The following SLC24A2 variants were observed in gnomAD, a reference collection of about 807,000 sequenced individuals.
SLC24A2 encodes the protein solute carrier family 24 member 2, also known as sodium/potassium/calcium exchanger 2.
SLC24A2 carries 36 observed loss-of-function variants against 62.0 expected under a neutral mutation model. The ratio of observed to expected loss-of-function variants is 0.58; its 90% CI spans 0.44 to 0.77. The LOEUF is 0.77. Among genes scored for constraint, SLC24A2 ranks in the 30% least tolerant of loss-of-function variants. The probability of loss-of-function intolerance (pLI) is 0.00; values close to 1 mark genes in which losing one functional copy is unlikely to be tolerated. For synonymous variants in SLC24A2, 358 were observed against 294.0 expected (o/e 1.22, Z -2.23); for missense variants, 846 against 817.9 (o/e 1.03, Z -0.42).
the SLC24A2 span, among the ~76,000 whole-genome samples, chr9:19,949,312 C>T: frequency 1.3e-5 from 2 of 152,220 alleles, no homozygotes; most frequent in Admixed American, 1.3e-4. Context: ...CCATTTAATC[C>T]AATCTTTGGA....
the SLC24A2 span, among the ~76,000 whole-genome samples, chr9:20,284,893 T>C: frequency 6.6e-6 from 1 of 152,216 alleles, no homozygotes; most frequent in Non-Finnish European, 1.5e-5. Context: ...CTTCTGTAAA[T>C]GCCTTACAGG....
At chr9:19,728,861 T>C (rs779339573) in intron 2 of SLC24A2, among the ~76,000 whole-genome samples, 3 of 152,142 alleles carry the variant, frequency 2.0e-5, no homozygotes, top group Non-Finnish European at 2.9e-5. Context: ...GCATTGAGGC[T>C]GAGACTAAAA....
chr9:19,722,229 G>C (rs1170842312), intron 2 of SLC24A2, among the ~76,000 whole-genome samples: 2 of 152,126 alleles, frequency 1.3e-5, no homozygotes, highest in Non-Finnish European at 2.9e-5. Context: ...TCAGAATGCT[G>C]AAACAGAGGA....
At chr9:19,792,566 G>T (rs1162272030), upstream of SLC24A2, among the ~76,000 whole-genome samples, 1 of 151,224 alleles carries the variant, frequency 6.6e-6, no homozygotes, top group Admixed American at 6.6e-5. Flanking sequence ...AAAAATGCTG[G>T]GTGTGGTGGC....
At chr9:20,118,647 TAAA>T in the SLC24A2 span, among the ~76,000 whole-genome samples, 1 of 151,702 alleles carries the variant, frequency 6.6e-6, no homozygotes, top group African/African-American at 2.4e-5. Context: ...CAGTTAAAAG[TAAA>T]AAAAGAGGAA....
At chr9:19,663,481 A>G (rs184452543) in intron 2 of SLC24A2, among the ~76,000 whole-genome samples, 1 of 152,220 alleles carries the variant, frequency 6.6e-6, no homozygotes, top group East Asian at 1.9e-4. Context: ...CAATCTGTCA[A>G]CTGTGAACGG....
chr9:19,566,562 C>T (rs1169427206), intron 7 of SLC24A2, among the ~76,000 whole-genome samples: 2 of 151,984 alleles, frequency 1.3e-5, no homozygotes, highest in Non-Finnish European at 2.9e-5. Flanking sequence ...GGCGATTCCT[C>T]AAGGATCTAG....
chr9:19,838,125 T>A, the SLC24A2 span, among the ~76,000 whole-genome samples: 2 of 152,142 alleles, frequency 1.3e-5, no homozygotes, highest in East Asian at 3.9e-4. Flanking sequence ...ATCCGAAGCC[T>A]AAAGAACAAA....
the SLC24A2 span, among the ~76,000 whole-genome samples, chr9:19,794,528 A>T: frequency 6.6e-6 from 1 of 152,002 alleles, no homozygotes; most frequent in African/African-American, 2.4e-5. Flanking sequence ...AACCCCTGTG[A>T]CATGCAATTA....
chr9:20,227,744 T>C, the SLC24A2 span, among the ~76,000 whole-genome samples: 1 of 152,110 alleles, frequency 6.6e-6, no homozygotes. Flanking sequence ...AAAGACTGAA[T>C]CTCTAATGTT....
the SLC24A2 span, among the ~76,000 whole-genome samples, chr9:20,023,159 T>C: frequency 6.6e-6 from 1 of 152,208 alleles, no homozygotes; most frequent in Non-Finnish European, 1.5e-5. Flanking sequence ...ATCCAATATA[T>C]ATTTTCATAA....
intron 7 of SLC24A2, among the ~76,000 whole-genome samples, chr9:19,561,436 C>CTTTTTTTT: frequency 7.2e-6 from 1 of 138,206 alleles, no homozygotes; most frequent in Non-Finnish European, 1.5e-5. Context: ...GGAAAACAGA[C>CTTTTTTTT]TTTTTTTTTT....
the SLC24A2 span, among the ~76,000 whole-genome samples, chr9:19,833,744 G>A: frequency 5.9e-5 from 9 of 152,348 alleles, no homozygotes; most frequent in East Asian, 1.9e-4. Flanking sequence ...CTCCCAGCAC[G>A]CAGCTTGAGA....
chr9:19,557,761 T>A (rs78216918), intron 7 of SLC24A2, among the ~76,000 whole-genome samples: 23 of 151,014 alleles, frequency 1.5e-4, no homozygotes, highest in Admixed American at 4.6e-4. Flanking sequence ...TTTTTTTTTT[T>A]ATATTTTCTT....
intron 2 of SLC24A2, among the ~76,000 whole-genome samples, chr9:19,703,105 G>C (rs1564050683): frequency 6.6e-6 from 1 of 151,900 alleles, no homozygotes; most frequent in Non-Finnish European, 1.5e-5. Context: ...TAGAGAGAAA[G>C]AGAGAGAGAG....
the SLC24A2 span, among the ~76,000 whole-genome samples, chr9:19,862,789 T>G: frequency 2.6e-5 from 4 of 151,946 alleles, no homozygotes; most frequent in African/African-American, 9.7e-5. Context: ...GGCTATCAGA[T>G]AGTATTTGCA....
chr9:19,545,297 C>T (rs988361209), intron 8 of SLC24A2, among the ~76,000 whole-genome samples: 7 of 151,996 alleles, frequency 4.6e-5, no homozygotes, highest in South Asian at 2.1e-4. Flanking sequence ...ATGTTCTTCT[C>T]GAAACTGGTT....
chr9:20,032,608 A>C, the SLC24A2 span, among the ~76,000 whole-genome samples: 22 of 152,300 alleles, frequency 1.4e-4, no homozygotes, highest in African/African-American at 4.8e-4. Flanking sequence ...CTTCACATAA[A>C]TTGTATCCTG....
At chr9:20,232,627 T>G in the SLC24A2 span, among the ~76,000 whole-genome samples, 74 of 152,304 alleles carry the variant, frequency 4.9e-4, no homozygotes, top group African/African-American at 1.5e-3. Context: ...CTTCTCTCTT[T>G]TCTTCTTTAT....
Sources: gnomAD v4.1 joint callset for allele counts (sites outside exome capture counted in the v4.1 genomes callset) on GRCh38, gnomAD v4.1.1 for gene constraint, MANE v1.5 for transcripts, NCBI Gene and HGNC (gene_info 2026-07-23, HGNC 2026-07-21) for gene names.